The following MDGA2 variants were observed in gnomAD, a reference collection of about 807,000 sequenced individuals.
MDGA2 encodes the protein MAM domain-containing glycosylphosphatidylinositol anchor protein 2.
In MDGA2, 40 loss-of-function variants were observed where a neutral mutation model predicts 117.8. The ratio of observed to expected loss-of-function variants is 0.34; its 90% CI spans 0.26 to 0.44. The LOEUF is 0.44. Ranked by LOEUF, MDGA2 falls within the 20% of genes least tolerant of loss-of-function variation. The pLI is 1.00. For synonymous variants in MDGA2, 452 were observed against 439.0 expected (o/e 1.03, Z -0.37); for missense variants, 1,123 against 1,250.6 (o/e 0.90, Z 1.54).
intron 1 of MDGA2, among the ~76,000 whole-genome samples, chr14:47,657,266 G>T (rs780724083): frequency 2.0e-5 from 3 of 152,118 alleles, no homozygotes; most frequent in Non-Finnish European, 4.4e-5. Context: ...CACAAAGCTG[G>T]GGTGGGTTGT....
chr14:47,472,211 T>C (rs1893742666), intron 1 of MDGA2, among the ~76,000 whole-genome samples: 2 of 152,186 alleles, frequency 1.3e-5, no homozygotes, highest in Admixed American at 1.3e-4. Flanking sequence ...AATGGTCATA[T>C]TCATAGTATA....
intron 1 of MDGA2, among the ~76,000 whole-genome samples, chr14:47,462,572 T>C (rs569080603): frequency 6.6e-6 from 1 of 152,150 alleles, no homozygotes; most frequent in Non-Finnish European, 1.5e-5. Flanking sequence ...TGCCAGAATA[T>C]AAGTTACATT....
chr14:47,174,603 G>A (rs566113085), intron 3 of MDGA2, among the ~76,000 whole-genome samples: 280 of 152,142 alleles, frequency 1.8e-3, no homozygotes, highest in Non-Finnish European at 3.2e-3. Flanking sequence ...AAACAAATAA[G>A]AACAAAGACA....
intron 1 of MDGA2, among the ~76,000 whole-genome samples, chr14:47,481,954 G>T (rs1893962216): frequency 2.6e-5 from 4 of 152,060 alleles, no homozygotes; most frequent in East Asian, 1.9e-4. Flanking sequence ...GGAGGATATT[G>T]TTACCCCCAA....
chr14:47,477,990 C>G (rs1893878393), intron 1 of MDGA2, among the ~76,000 whole-genome samples: 1 of 152,184 alleles, frequency 6.6e-6, no homozygotes, highest in Admixed American at 6.5e-5. Flanking sequence ...ACTGCCCTTC[C>G]CACCGTATCT....
chr14:47,541,882 T>C (rs1236128785), intron 1 of MDGA2, among the ~76,000 whole-genome samples: 2 of 152,174 alleles, frequency 1.3e-5, no homozygotes, highest in Non-Finnish European at 1.5e-5. Context: ...TTCTGCTTTA[T>C]AGGGAGAATC....
At chr14:47,261,462 T>A (rs970244855) in intron 2 of MDGA2, among the ~76,000 whole-genome samples, 5 of 152,132 alleles carry the variant, frequency 3.3e-5, no homozygotes, top group African/African-American at 9.7e-5. Context: ...AGCTGCTGTT[T>A]GAAAGATTCA....
chr14:47,000,916 A>G (rs1395895854), intron 8 of MDGA2, among the ~76,000 whole-genome samples: 7 of 152,042 alleles, frequency 4.6e-5, no homozygotes, highest in East Asian at 1.9e-4. Flanking sequence ...AGAAAACTAC[A>G]TATTATTTCA....
At chr14:47,405,006 A>C (rs767729169) in intron 1 of MDGA2, among the ~76,000 whole-genome samples, 3 of 152,200 alleles carry the variant, frequency 2.0e-5, no homozygotes, top group Admixed American at 6.5e-5. Context: ...GTAATTTATA[A>C]GTTTTGGAGT....
intron 6 of MDGA2, among the ~76,000 whole-genome samples, chr14:47,088,185 A>G (rs1890979126): frequency 6.6e-6 from 1 of 152,166 alleles, no homozygotes; most frequent in South Asian, 2.1e-4. Context: ...AAACTCAGCT[A>G]CCTAAATTCA....
chr14:47,606,324 G>C (rs1401883897), intron 1 of MDGA2, among the ~76,000 whole-genome samples: 1 of 152,092 alleles, frequency 6.6e-6, no homozygotes, highest in Non-Finnish European at 1.5e-5. Flanking sequence ...ACATAATTTG[G>C]AATCTCTTGC....
At position 47,155,888 on chromosome 14, in the gene MDGA2, C is replaced by CTTTTTTTTTTTTTTT. The variant is rs55827732; in HGVS notation, c.596-11629_596-11615dup. ...ATTCTTTTCTTTTCTTCTTCTTCTT[C>CTTTTTTTTTTTTTTT]TTTTTTTTTTTTTTTTTTTTTTTTT... On this transcript the variant is annotated intron_variant, in intron 3 of 16. Coordinates refer to ENST00000399232, the MANE Select transcript of MDGA2 (RefSeq NM_001113498.3). Among the ~76,000 whole-genome samples, 67 of 40,160 alleles carry CTTTTTTTTTTTTTTT rather than the reference C, an allele frequency of 1.7e-3. 8 individuals are homozygous for CTTTTTTTTTTTTTTT. The highest frequency in any genetic ancestry group is 2.6e-3 in the Non-Finnish European group (59 of 23,046). The allele number at this position is 40,160 out of a possible 152,430, so 26.3% of individuals were successfully genotyped here. A position where few individuals can be genotyped will look rare whatever the true frequency, so the allele number is the denominator to read the frequency against.
chr14:47,131,856 T>A lies in MDGA2; in HGVS notation c.793-10A>T. 6.4e-7 allele frequency: 1 copy of A among 1,550,808 alleles called. No individual in the cohort carries two copies. The highest frequency in any genetic ancestry group is 8.8e-7 in the Non-Finnish European group (1 of 1,136,992). ...AGATCTTTGTTTCACCCTGAAAATG[T>A]ACACAAAAAATAAAAGTCATTAGAA... On this transcript the variant is annotated splice_polypyrimidine_tract_variant and intron_variant, in intron 4 of 16. Transcript: ENST00000399232.
chr14:47,525,622 T>C (rs1377788768), intron 1 of MDGA2, among the ~76,000 whole-genome samples: 1 of 151,988 alleles, frequency 6.6e-6, no homozygotes, highest in Non-Finnish European at 1.5e-5. Context: ...AAGGCAGAGG[T>C]TGCGGTGAAC....
chr14:46,843,141 AG>A (rs201683745), intron 16 of MDGA2, among the ~76,000 whole-genome samples: 5 of 151,878 alleles, frequency 3.3e-5, no homozygotes, highest in African/African-American at 1.2e-4. Flanking sequence ...CTAGTTTAAG[AG>A]AAAAAAAAAA....
chr14:46,998,970 A>G (rs545905562), intron 8 of MDGA2, among the ~76,000 whole-genome samples: 18 of 152,248 alleles, frequency 1.2e-4, no homozygotes, highest in South Asian at 4.1e-4. Flanking sequence ...CCCAGTAGGA[A>G]ACAATCCACT....
At chr14:47,098,224 A>G (rs1880090723) in intron 5 of MDGA2, among the ~76,000 whole-genome samples, 1 of 150,172 alleles carries the variant, frequency 6.7e-6, no homozygotes, top group African/African-American at 2.4e-5. Context: ...AATAAAAGCT[A>G]GACTACTTGT....
At chr14:47,440,088 T>C (rs952654589) in intron 1 of MDGA2, among the ~76,000 whole-genome samples, 7 of 151,938 alleles carry the variant, frequency 4.6e-5, no homozygotes, top group African/African-American at 1.7e-4. Context: ...GTGCAGACAA[T>C]GTCACTGCTC....
At chr14:47,268,473 TACTG>T (rs1330955720) in intron 2 of MDGA2, among the ~76,000 whole-genome samples, 11 of 152,304 alleles carry the variant, frequency 7.2e-5, no homozygotes, top group Non-Finnish European at 1.5e-4. Context: ...GGCTGGATTC[TACTG>T]ACTATTTAAA....
Sources: allele counts gnomAD v4.1 joint callset (sites outside exome capture counted in the v4.1 genomes callset), GRCh38; gene constraint gnomAD v4.1.1; transcripts MANE v1.5; gene names NCBI Gene and HGNC (gene_info 2026-07-23, HGNC 2026-07-21).